TOMM40L: variants seen among roughly 807,000 people sequenced by gnomAD.
The protein encoded by TOMM40L is translocase of outer mitochondrial membrane 40 like, also known as mitochondrial import receptor subunit TOM40B.
A neutral mutation model predicts 38.3 loss-of-function variants in TOMM40L; 17 were observed. That is an observed-to-expected ratio of 0.44 (90% CI 0.30 to 0.67). The LOEUF (loss-of-function observed/expected upper bound fraction) is 0.67, where lower values mean the gene tolerates loss of function less well. Ranked by LOEUF, TOMM40L falls within the 30% of genes least tolerant of loss-of-function variation. The pLI, the probability that TOMM40L is intolerant of heterozygous loss-of-function variation, is 0.08. For synonymous variants in TOMM40L, 151 were observed against 150.2 expected (o/e 1.01, Z -0.04); for missense variants, 294 against 390.0 (o/e 0.75, Z 2.07).
Position 161,229,068 on chromosome 1 carries a change from T to C in TOMM40L, c.900T>C (p.His300=), listed in dbSNP as rs149811597. The change falls in exon 10 of 10, where the codon CAT becomes CAC. Residue 300 remains histidine (H), a synonymous_variant. Transcript: ENST00000367988. ...TCAATCACTGGCGCAACAGATTCCATTGTGGCTTCAGCATCACTGTGGGCT... is the reference window on the plus strand; with the variant it reads ...TCAATCACTGGCGCAACAGATTCCACTGTGGCTTCAGCATCACTGTGGGCT... ...AFLNHWRNRF[H]CGFSITVG The C allele has an allele frequency of 1.8e-4, 286 of 1,614,026 alleles. No homozygotes were observed. In the Middle Eastern group the frequency reaches 1.8e-3, roughly 10 times the overall value.
chr1:161,229,331 T>C lies in TOMM40L; in HGVS notation c.*236T>C, dbSNP rs1190908540. The C allele has an allele frequency of 4.7e-6, 3 of 638,864 alleles. No individual in the cohort carries two copies. The highest frequency in any genetic ancestry group is 8.0e-6 in the Non-Finnish European group (3 of 373,162). The allele number at this position is 638,864 out of a possible 1,614,324, so 39.6% of individuals were successfully genotyped here. On this transcript the variant is annotated 3_prime_UTR_variant, in exon 10 of 10. Transcript: ENST00000367988. ...AGCCCCAGTATCACCTTCCCCATGC[T>C]CTTGTGGCTGTGGACTAAGGGAGAA...
chr1:161,228,586 A>T, intron 8 of TOMM40L, 82 bp downstream of exon 8: 2 of 1,578,738 alleles, frequency 1.3e-6, no homozygotes, highest in Non-Finnish European at 1.7e-6. Context: ...CGCCCTGCTG[A>T]CCTATTTTTC....
chr1:161,229,132 T>C lies in TOMM40L; in HGVS notation c.*37T>C. 3 of 1,614,070 alleles carry C rather than the reference T, an allele frequency of 1.9e-6. No individual in the cohort carries two copies. Among genetic ancestry groups the C allele is most frequent in the Non-Finnish European group, 2.5e-6 (3 of 1,179,962 alleles). ...GCCAGCCCCCACAGCAGCTGGAACC[T>C]CTGAGTCAGGTGCCCTAGGGCCAAA... is the stretch of plus-strand genomic sequence containing the variant. On this transcript the variant is annotated 3_prime_UTR_variant, in exon 10 of 10. Coordinates refer to ENST00000367988, the MANE Select transcript of TOMM40L (RefSeq NM_032174.6).
Position 161,230,667 on chromosome 1 carries a change from G to C in TOMM40L, c.*1572G>C. On this transcript the variant is annotated 3_prime_UTR_variant, in exon 10 of 10. Coordinates refer to ENST00000367988, the MANE Select transcript of TOMM40L (RefSeq NM_032174.6). ...TTGGATGCTGAAACGATGTGAGACA[G>C]GGATGGCCAGGGGGAAGGACTAGAC... The C allele has an allele frequency of 1.0e-6, 1 of 989,686 alleles. No individual in the cohort carries two copies. The highest frequency in any genetic ancestry group is 1.6e-5 in the African/African-American group (1 of 62,042). 61.3% of individuals were successfully genotyped at this position (989,686 alleles called of 1,614,324 possible). A position where few individuals can be genotyped will look rare whatever the true frequency, so the allele number is the denominator to read the frequency against.
Position 161,228,786 on chromosome 1 carries a change from G to A in TOMM40L, c.756G>A (p.Leu252=). The change falls in exon 9 of 10, where the codon CTG becomes CTA. Residue 252 remains leucine, a synonymous_variant. Coordinates refer to ENST00000367988, the MANE Select transcript of TOMM40L (RefSeq NM_032174.6). ...QDTTFSFGYH[L]TLPQANMVFR... is the part of the protein sequence containing the mutation. ...CAACATTCTCCTTTGGTTACCACCT[G>A]ACTCTGCCCCAGGCCAACATGGTAT... 1 of 1,614,160 alleles carries A rather than the reference G, an allele frequency of 6.2e-7. No homozygotes were observed. The highest frequency in any genetic ancestry group is 8.5e-7 in the Non-Finnish European group (1 of 1,180,030).
In TOMM40L at chr1:161,229,128, A is replaced by G; in HGVS notation, c.*33A>G. ...CAGAGCCAGCCCCCACAGCAGCTGG[A>G]ACCTCTGAGTCAGGTGCCCTAGGGC... On this transcript the variant is annotated 3_prime_UTR_variant, in exon 10 of 10. Coordinates refer to ENST00000367988, the MANE Select transcript of TOMM40L (RefSeq NM_032174.6). 1 of 1,614,126 alleles carries G rather than the reference A, an allele frequency of 6.2e-7. No homozygotes were observed. The highest frequency in any genetic ancestry group is 8.5e-7 in the Non-Finnish European group (1 of 1,180,002).
In TOMM40L at chr1:161,226,355, G is replaced by A; in HGVS notation, c.-135G>A. The A allele has an allele frequency of 1.4e-6, 1 of 709,204 alleles. No homozygotes were observed. Among genetic ancestry groups the A allele is most frequent in the South Asian group, 1.8e-5 (1 of 54,536 alleles). 43.9% of individuals were successfully genotyped at this position (709,204 alleles called of 1,614,324 possible). On this transcript the variant is annotated splice_region_variant and 5_prime_UTR_variant, in exon 2 of 10. In the 5' UTR this introduces an upstream ATG that the reference lacks. Transcript: ENST00000367988. The stretch of plus-strand genomic sequence containing the variant: ...TCCTTCCCTACTCTTCCTGTTCCAG[G>A]TGTAGCGTCGGACCATGTGGAAGTT...
intron 6 of TOMM40L, 91 bp from the exon 7 acceptor site, chr1:161,228,095 G>T: frequency 6.3e-7 from 1 of 1,585,204 alleles, no homozygotes; most frequent in South Asian, 1.1e-5. Context: ...GGAACTTCTT[G>T]GGCAGGCTGG....
Position 161,226,954 on chromosome 1 carries a change from A to G in TOMM40L, c.182A>G (p.Gln61Arg). 6.2e-7 allele frequency: 1 copy of G among 1,614,024 alleles called. No homozygotes were observed. Among genetic ancestry groups the G allele is most frequent in the Non-Finnish European group, 8.5e-7 (1 of 1,179,988 alleles). ...VVNKVLSSHF[Q>R]VAHTIHMSAL... ...AACAAGGTTCTGAGCAGCCATTTCC[A>G]GGTGCTCCCACTTCTCTGGCCCCTC... Residue 61 changes from glutamine to arginine, a missense_variant and splice_region_variant, in exon 3 of 10, where the codon CAG (glutamine) becomes CGG (arginine). Coordinates refer to ENST00000367988, the MANE Select transcript of TOMM40L (RefSeq NM_032174.6).
At position 161,230,117 on chromosome 1, in the gene TOMM40L, T is replaced by C; in HGVS notation, c.*1022T>C. Reference sequence around the variant, plus strand: ...CCTCCAGGGGGCCTCGGTCTGACACTGTCTTCTCTCACCATGCTCAGTTTT... The same window carrying C: ...CCTCCAGGGGGCCTCGGTCTGACACCGTCTTCTCTCACCATGCTCAGTTTT... On this transcript the variant is annotated 3_prime_UTR_variant, in exon 10 of 10. Transcript: ENST00000367988. 1 of 615,672 alleles carries C rather than the reference T, an allele frequency of 1.6e-6. No individual in the cohort carries two copies. Among genetic ancestry groups the C allele is most frequent in the South Asian group, 2.0e-5 (1 of 48,944 alleles). 38.1% of individuals were successfully genotyped at this position (615,672 alleles called of 1,614,324 possible).
chr1:161,226,359 A>C lies in TOMM40L; in HGVS notation c.-131A>C. 1.4e-6 allele frequency: 1 copy of C among 718,824 alleles called. No homozygotes were observed. Among genetic ancestry groups the C allele is most frequent in the African/African-American group, 1.9e-5 (1 of 53,738 alleles). 44.5% of individuals were successfully genotyped at this position (718,824 alleles called of 1,614,324 possible). ...TCCCTACTCTTCCTGTTCCAGGTGT[A>C]GCGTCGGACCATGTGGAAGTTTCTG... is the stretch of plus-strand genomic sequence containing the variant. On this transcript the variant is annotated 5_prime_UTR_variant, in exon 2 of 10. It removes the in-frame stop codon of an upstream open reading frame in the 5' UTR. Coordinates refer to ENST00000367988, the MANE Select transcript of TOMM40L (RefSeq NM_032174.6).
intron 4 of TOMM40L, 110 bp downstream of exon 4, chr1:161,227,460 C>T: frequency 2.6e-6 from 3 of 1,137,194 alleles, no homozygotes; most frequent in Non-Finnish European, 3.9e-6. Flanking sequence ...TAACCTGATT[C>T]TCTGTGTCTT....
chr1:161,227,118 A>G, intron 3 of TOMM40L, 140 bp from the exon 4 acceptor site: 1 of 1,171,646 alleles, frequency 8.5e-7, no homozygotes, highest in Non-Finnish European at 1.2e-6. Context: ...GTTGCTTTTA[A>G]TCCGATGACC....
chr1:161,230,123 C>G lies in TOMM40L; in HGVS notation c.*1028C>G. 1 of 599,380 alleles carries G rather than the reference C, an allele frequency of 1.7e-6. No individual in the cohort carries two copies. The highest frequency in any genetic ancestry group is 2.9e-6 in the Non-Finnish European group (1 of 347,388). The allele number at this position is 599,380 out of a possible 1,614,324, so 37.1% of individuals were successfully genotyped here. On this transcript the variant is annotated 3_prime_UTR_variant, in exon 10 of 10. Transcript: ENST00000367988. ...GGGGGCCTCGGTCTGACACTGTCTT[C>G]TCTCACCATGCTCAGTTTTTTCTGA...
rs766472186 is a variant in TOMM40L at position 161,228,949 on chromosome 1, C to G, written c.788-7C>G. On this transcript the variant is annotated splice_region_variant and splice_polypyrimidine_tract_variant and intron_variant, in intron 9 of 9. Transcript: ENST00000367988. ...AATAATCTAGTGGGTATTCTCTCCC[C>G]CAACAGGCTTGGTGGATAGTAACTG... 63 of 1,614,184 alleles carry G rather than the reference C, an allele frequency of 3.9e-5. No homozygotes were observed. Among genetic ancestry groups the G allele is most frequent in the Non-Finnish European group, 5.3e-5 (63 of 1,180,028 alleles).
intron 3 of TOMM40L, 116 bp downstream of exon 3, chr1:161,227,071 A>C: frequency 7.4e-7 from 1 of 1,349,062 alleles, no homozygotes; most frequent in Non-Finnish European, 1.0e-6. Context: ...ATGAGGGAGG[A>C]TGTGGGGTTC....
At chr1:161,227,598 T>C in intron 4 of TOMM40L, 38 bp from the exon 5 acceptor site, 1 of 1,568,210 alleles carries the variant, frequency 6.4e-7, no homozygotes, top group Non-Finnish European at 8.8e-7. Flanking sequence ...AGTGGTGCCA[T>C]CCGGCTCAGC....
chr1:161,229,944 G>C lies in TOMM40L; in HGVS notation c.*849G>C, dbSNP rs376037614. ...ACAGAAACCTTTGGAGGAAGTAGTGGGGTTGCCAGGAAAACAGGAGGGAAA... is the reference window on the plus strand; with the variant it reads ...ACAGAAACCTTTGGAGGAAGTAGTGCGGTTGCCAGGAAAACAGGAGGGAAA... On this transcript the variant is annotated 3_prime_UTR_variant, in exon 10 of 10. Transcript: ENST00000367988. The C allele has an allele frequency of 3.1e-6, 5 of 1,613,798 alleles. No homozygotes were observed. In the African/African-American group the frequency reaches 6.7e-5, roughly 22 times the overall value.
intron 2 of TOMM40L, 58 bp from the exon 3 acceptor site, chr1:161,226,830 T>C: frequency 6.3e-7 from 1 of 1,585,978 alleles, no homozygotes; most frequent in Non-Finnish European, 8.6e-7. Context: ...GGAGACTATC[T>C]TTTGGGGTAG....
Sources: gnomAD v4.1 joint callset for allele counts on GRCh38, gnomAD v4.1.1 for gene constraint, MANE v1.5 for transcripts, NCBI Gene and HGNC (gene_info 2026-07-23, HGNC 2026-07-21) for gene names.